The following PDHX variants were observed in gnomAD, a reference collection of about 807,000 sequenced individuals.
The protein encoded by PDHX is pyruvate dehydrogenase complex component X.
PDHX carries 33 observed loss-of-function variants against 55.3 expected under a neutral mutation model. That is an observed-to-expected ratio of 0.60 (90% CI 0.45 to 0.80). The LOEUF (loss-of-function observed/expected upper bound fraction) is 0.80. PDHX is among the 30% of genes least tolerant of loss of function. The probability of loss-of-function intolerance (pLI) is 0.00; values close to 1 mark genes in which losing one functional copy is unlikely to be tolerated. For missense variants in PDHX, 622 were observed against 619.9 expected, an observed-to-expected ratio of 1.00 and a Z score of -0.04; for synonymous variants, 226 against 219.4, an observed-to-expected ratio of 1.03 and a Z score of -0.27.
In PDHX at chr11:34,984,836, T is replaced by C. The variant is rs541377310; in HGVS notation, c.1182+108T>C. The stretch of plus-strand genomic sequence containing the variant: ...CTAGTCAGACTGTGATTTTTGTGTG[T>C]GTGAAGGGGAGAGTTATTTCATCAA... On this transcript the variant is annotated intron_variant, in intron 9 of 10. Coordinates refer to ENST00000227868, the MANE Select transcript of PDHX (RefSeq NM_003477.3). The C allele has an allele frequency of 7.3e-5, 77 of 1,050,868 alleles. No homozygotes were observed. The African/African-American group carries it at 9.7e-4, about 13-fold the overall frequency. 65.1% of individuals were successfully genotyped at this position (1,050,868 alleles called of 1,614,324 possible).
At chr11:34,929,339 T>G (rs965742792) in intron 1 of PDHX, among the ~76,000 whole-genome samples, 2 of 152,210 alleles carry the variant, frequency 1.3e-5, no homozygotes, top group Non-Finnish European at 2.9e-5. Context: ...CGAGTGATTC[T>G]CATGCCTCAG....
At chr11:34,945,085 GTAT>G (rs1027984643) in intron 2 of PDHX, among the ~76,000 whole-genome samples, 4 of 151,884 alleles carry the variant, frequency 2.6e-5, no homozygotes, top group Admixed American at 6.6e-5. Flanking sequence ...ATAAAGTTTA[GTAT>G]TATTCAGTAT....
chr11:34,978,996 G>A (rs1463649928), intron 8 of PDHX, among the ~76,000 whole-genome samples: 1 of 152,156 alleles, frequency 6.6e-6, no homozygotes, highest in African/African-American at 2.4e-5. Context: ...GAGACGATGA[G>A]CTCCCCTGGG....
chr11:34,921,539 GAATC>G (rs1853879300), intron 1 of PDHX, among the ~76,000 whole-genome samples: 1 of 152,200 alleles, frequency 6.6e-6, no homozygotes, highest in African/African-American at 2.4e-5. Context: ...AAGTAGTTGA[GAATC>G]AATGATTGAC....
intron 2 of PDHX, among the ~76,000 whole-genome samples, chr11:34,936,790 T>TTC (rs1330270589): frequency 1.6e-5 from 2 of 121,300 alleles, no homozygotes; most frequent in African/African-American, 3.4e-5. Context: ...TTTCTTTTTT[T>TTC]TTTTTTTTTT....
rs1855840556 is a variant in PDHX, at chr11:34,995,442, A to ATATT, written c.*271_*274dup. 9.8e-6 allele frequency: 4 copies of ATATT among 407,318 alleles called. No homozygotes were observed. Among genetic ancestry groups the ATATT allele is most frequent in the South Asian group, 9.0e-5 (4 of 44,300 alleles). 25.2% of individuals were successfully genotyped at this position (407,318 alleles called of 1,614,324 possible). A position where few individuals can be genotyped will look rare whatever the true frequency, so the allele number is the denominator to read the frequency against. Reference sequence around the variant, plus strand: ...TAACCTCTGGTGCTGTATAAAGGGAATATTAAACTAGATGTAAATCAAAGT... The same window carrying ATATT: ...TAACCTCTGGTGCTGTATAAAGGGAATATTTATTAAACTAGATGTAAATCAAAGT... On this transcript the variant is annotated 3_prime_UTR_variant, in exon 11 of 11. Transcript: ENST00000227868.
At chr11:34,965,016 T>C (rs2133979490) in intron 5 of PDHX, among the ~76,000 whole-genome samples, 1 of 152,310 alleles carries the variant, frequency 6.6e-6, no homozygotes, top group South Asian at 2.1e-4. Context: ...CCTGCTTGTG[T>C]TGATATTCTA....
At chr11:34,945,706 A>G (rs1178151167) in intron 2 of PDHX, among the ~76,000 whole-genome samples, 1 of 152,106 alleles carries the variant, frequency 6.6e-6, no homozygotes, top group Non-Finnish European at 1.5e-5. Flanking sequence ...ATATGGATTC[A>G]TGTTTATATA....
intron 9 of PDHX, among the ~76,000 whole-genome samples, chr11:34,988,799 G>A (rs1313423145): frequency 2.0e-5 from 3 of 152,136 alleles, no homozygotes; most frequent in African/African-American, 4.8e-5. Flanking sequence ...TCAGTTACCC[G>A]TGGTCAACCA....
intron 6 of PDHX, among the ~76,000 whole-genome samples, chr11:34,967,748 A>G (rs1454204563): frequency 1.3e-5 from 2 of 152,362 alleles, no homozygotes; most frequent in South Asian, 2.1e-4. Flanking sequence ...GTGGAGAACT[A>G]TATACCATAT....
intron 1 of PDHX, among the ~76,000 whole-genome samples, chr11:34,919,811 A>G (rs11032925): frequency 0.19 from 28,682 of 152,072 alleles, 3,831 homozygotes; most frequent in African/African-American, 0.39. Flanking sequence ...TGCCAGGCAC[A>G]TGGTACCCTG....
intron 3 of PDHX, among the ~76,000 whole-genome samples, chr11:34,956,302 T>TTAA (rs1854904735): frequency 6.6e-6 from 1 of 152,168 alleles, no homozygotes; most frequent in Admixed American, 6.5e-5. Flanking sequence ...TTATAACTTA[T>TTAA]GCCTTATTAA....
At chr11:34,974,973 C>T (rs973865027) in intron 7 of PDHX, among the ~76,000 whole-genome samples, 1 of 152,064 alleles carries the variant, frequency 6.6e-6, no homozygotes, top group Non-Finnish European at 1.5e-5. Context: ...TTGTTATTTT[C>T]TGGTTTTTGA....
At chr11:34,951,280 C>T (rs1411384084) in intron 3 of PDHX, among the ~76,000 whole-genome samples, 5 of 151,778 alleles carry the variant, frequency 3.3e-5, no homozygotes, top group Admixed American at 6.6e-5. Flanking sequence ...AGGATGGTCT[C>T]GATCTCCTGA....
chr11:34,984,996 A>G (rs943860413), intron 9 of PDHX: 9 of 372,996 alleles, frequency 2.4e-5, no homozygotes, highest in South Asian at 6.1e-5. Flanking sequence ...GACAAGCTTT[A>G]TTTTCCAAAG....
At chr11:34,966,579 T>C (rs1002500736) in intron 5 of PDHX, 61 bp from the exon 6 acceptor site, 1 of 1,521,920 alleles carries the variant, frequency 6.6e-7, no homozygotes, top group African/African-American at 1.4e-5. Flanking sequence ...CTGCGTTTTC[T>C]GAAAGTTCTG....
chr11:34,972,322 A>G (rs1386404294), intron 7 of PDHX, among the ~76,000 whole-genome samples: 3 of 149,232 alleles, frequency 2.0e-5, no homozygotes, highest in Admixed American at 2.0e-4. Flanking sequence ...TGAGACCTTT[A>G]TTTTTTAATA....
intron 5 of PDHX, among the ~76,000 whole-genome samples, chr11:34,964,868 A>T (rs1257272897): frequency 7.3e-6 from 1 of 136,078 alleles, no homozygotes; most frequent in Non-Finnish European, 1.5e-5. Context: ...TAGCATAACT[A>T]AATATTACAT....
chr11:34,948,382 G>A (rs998973678), intron 3 of PDHX, among the ~76,000 whole-genome samples: 1 of 152,118 alleles, frequency 6.6e-6, no homozygotes, highest in African/African-American at 2.4e-5. Context: ...TGAGCTGCAT[G>A]TCTATTAGCA....
Sources: allele counts gnomAD v4.1 joint callset (sites outside exome capture counted in the v4.1 genomes callset), GRCh38; gene constraint gnomAD v4.1.1; transcripts MANE v1.5; gene names NCBI Gene and HGNC (gene_info 2026-07-23, HGNC 2026-07-21).